MLN: variants seen among roughly 807,000 people sequenced by gnomAD.
MLN encodes the protein promotilin.
MLN carries 14 observed loss-of-function variants against 13.3 expected under a neutral mutation model. The observed-to-expected ratio is 1.05, with a 90% CI of 0.69 to 1.64. The LOEUF (loss-of-function observed/expected upper bound fraction) is 1.64, where lower values mean the gene tolerates loss of function less well. MLN is among the 40% of genes most tolerant of loss of function. MLN has a pLI of 0.00. For synonymous variants in MLN, 59 were observed against 54.7 expected (o/e 1.08, Z -0.34); for missense variants, 122 against 142.9 (o/e 0.85, Z 0.75).
At position 33,803,254 on chromosome 6, in the gene MLN, C is replaced by G. The variant is rs959281248; in HGVS notation, c.-8+699G>C. 2.0e-5 allele frequency among the ~76,000 whole-genome samples: 3 copies of G among 152,066 alleles called. No homozygotes were observed. Among genetic ancestry groups the G allele is most frequent in the African/African-American group, 7.2e-5 (3 of 41,388 alleles). On this transcript the variant is annotated intron_variant, in intron 1 of 4. Coordinates refer to ENST00000430124, the MANE Select transcript of MLN (RefSeq NM_002418.3). The surrounding 1 kb of genome is among the most constrained non-coding windows in gnomAD (Gnocchi z 4.5). ...GCACCCCTGGCCGGGCTAGCCTTGC[C>G]TCCCCATGTGCTCTCCCTCGGGGTC...
intron 3 of MLN, among the ~76,000 whole-genome samples, chr6:33,797,344 C>A (rs573621386): frequency 1.3e-5 from 2 of 152,228 alleles, no homozygotes; most frequent in African/African-American, 4.8e-5. Flanking sequence ...CCTCTAACCA[C>A]GGATGACTCC....
At chr6:33,796,176 C>G (rs992513959) in intron 3 of MLN, among the ~76,000 whole-genome samples, 5 of 152,116 alleles carry the variant, frequency 3.3e-5, no homozygotes, top group Non-Finnish European at 7.4e-5. Context: ...AGCCAGTATT[C>G]TAAGCTTTAC....
chr6:33,799,162 C>T lies in MLN; in HGVS notation c.177G>A (p.Glu59=), dbSNP rs1582276422. The change falls in exon 3 of 5, where the codon GAG becomes GAA. Residue 59 remains glutamate (E), a synonymous_variant. Coordinates refer to ENST00000430124, the MANE Select transcript of MLN (RefSeq NM_002418.3). The surrounding 1 kb of genome is among the most constrained non-coding windows in gnomAD (Gnocchi z 4.6). ...KSLSVWQRSG[E]EGPVDPAEPI... Reference sequence around the variant, plus strand: ...GCTCCGCAGGGTCTACAGGACCTTCCTCCCCAGACCTCTGCCATACACTCA... The same window carrying T: ...GCTCCGCAGGGTCTACAGGACCTTCTTCCCCAGACCTCTGCCATACACTCA... The T allele has an allele frequency of 1.9e-6, 3 of 1,612,924 alleles. No individual in the cohort carries two copies. The highest frequency in any genetic ancestry group is 1.7e-4 in the Middle Eastern group (1 of 6,060).
At chr6:33,796,045 C>T (rs914663274) in intron 3 of MLN, among the ~76,000 whole-genome samples, 15 of 151,174 alleles carry the variant, frequency 9.9e-5, no homozygotes, top group Non-Finnish European at 1.5e-4. Context: ...CTGCAAGCTC[C>T]GCCTCCCGGG....
chr6:33,795,325 T>C lies in MLN; in HGVS notation c.337+178A>G, dbSNP rs112076392. Among the ~76,000 whole-genome samples, 189 of 152,318 alleles carry C rather than the reference T, an allele frequency of 1.2e-3. 1 individual carries two copies. The highest frequency in any genetic ancestry group is 4.4e-3 in the African/African-American group (181 of 41,550). On this transcript the variant is annotated intron_variant, in intron 4 of 4. Transcript: ENST00000430124. ...GAACCCAGCCTGAGACCCGCCTCCCTGGAGAACTGCTGCAGCCACCAGCAG... is the reference window on the plus strand; with the variant it reads ...GAACCCAGCCTGAGACCCGCCTCCCCGGAGAACTGCTGCAGCCACCAGCAG...
Position 33,799,920 on chromosome 6 carries a change from T to G in MLN, c.118-699A>C, listed in dbSNP as rs1282980826. 6.6e-6 allele frequency among the ~76,000 whole-genome samples: 1 copy of G among 152,180 alleles called. No individual in the cohort carries two copies. Among genetic ancestry groups the G allele is most frequent in the Non-Finnish European group, 1.5e-5 (1 of 68,020 alleles). On this transcript the variant is annotated intron_variant, in intron 2 of 4. Coordinates refer to ENST00000430124, the MANE Select transcript of MLN (RefSeq NM_002418.3). The surrounding 1 kb of genome is among the most constrained non-coding windows in gnomAD (Gnocchi z 4.6). ...CCTTTGCTTTCTCTAATGACACTCT[T>G]GGGACTCTGCTGTTGGCCTGCCCTG... is the stretch of plus-strand genomic sequence containing the variant.
At position 33,803,654 on chromosome 6, in the gene MLN, G is replaced by T. The variant is rs954277196; in HGVS notation, c.-8+299C>A. On this transcript the variant is annotated intron_variant, in intron 1 of 4. Transcript: ENST00000430124. This position sits in a 1 kb window ranked among gnomAD's most constrained non-coding sequence, Gnocchi z 4.5. ...AAGCCACCATGCCAAGAGGGGCCCTGCGCCCATGATGAGCTCTGGCTTGGG... is the reference window on the plus strand; with the variant it reads ...AAGCCACCATGCCAAGAGGGGCCCTTCGCCCATGATGAGCTCTGGCTTGGG... Among the ~76,000 whole-genome samples the T allele has an allele frequency of 3.3e-5, 5 of 152,188 alleles. No individual in the cohort carries two copies. Among genetic ancestry groups the T allele is most frequent in the African/African-American group, 9.7e-5 (4 of 41,442 alleles).
rs1462227016 is a variant in MLN, at chr6:33,803,121, T to C, written c.-8+832A>G. ...TGGAGGTGGGAGAAGGAGCTTTTCA[T>C]TGTACAGTGAGGCACTAACTTTCCT... is the stretch of plus-strand genomic sequence containing the variant. On this transcript the variant is annotated intron_variant, in intron 1 of 4. Transcript: ENST00000430124. The surrounding 1 kb of genome is among the most constrained non-coding windows in gnomAD (Gnocchi z 4.5). Among the ~76,000 whole-genome samples, 9 of 152,120 alleles carry C rather than the reference T, an allele frequency of 5.9e-5. No homozygotes were observed. Among genetic ancestry groups the C allele is most frequent in the Admixed American group, 5.9e-4 (9 of 15,278 alleles).
At chr6:33,798,857 C>A (rs985137826) in intron 3 of MLN, among the ~76,000 whole-genome samples, 1 of 152,160 alleles carries the variant, frequency 6.6e-6, no homozygotes, top group African/African-American at 2.4e-5. Flanking sequence ...AGGGACAAAG[C>A]AGTCTCCCAA....
chr6:33,801,342 G>T (rs1299186333), intron 1 of MLN, among the ~76,000 whole-genome samples, 172 bp from the exon 2 acceptor site: 1 of 152,338 alleles, frequency 6.6e-6, no homozygotes, highest in African/African-American at 2.4e-5. Context: ...GAGCAGATGA[G>T]CTCTGAGCAC....
chr6:33,803,246 A>G lies in MLN; in HGVS notation c.-8+707T>C, dbSNP rs1201876047. Among the ~76,000 whole-genome samples, 2 of 151,426 alleles carry G rather than the reference A, an allele frequency of 1.3e-5. No individual in the cohort carries two copies. Among genetic ancestry groups the G allele is most frequent in the Non-Finnish European group, 2.9e-5 (2 of 67,930 alleles). ...CCCTTGCAGCACCCCTGGCCGGGCT[A>G]GCCTTGCCTCCCCATGTGCTCTCCC... On this transcript the variant is annotated intron_variant, in intron 1 of 4. Transcript: ENST00000430124. The surrounding 1 kb of genome is among the most constrained non-coding windows in gnomAD (Gnocchi z 4.5).
At chr6:33,797,698 G>A (rs910953070) in intron 3 of MLN, among the ~76,000 whole-genome samples, 2 of 151,790 alleles carry the variant, frequency 1.3e-5, no homozygotes, top group South Asian at 2.1e-4. Flanking sequence ...GCCCGAGGCC[G>A]AACTCTCTCT....
intron 3 of MLN, among the ~76,000 whole-genome samples, chr6:33,798,457 G>C (rs962919088): frequency 6.6e-6 from 1 of 152,244 alleles, no homozygotes; most frequent in Non-Finnish European, 1.5e-5. Context: ...GGGTGTTGAG[G>C]CCTGTGGCTG....
At chr6:33,796,325 G>A (rs1767922716) in intron 3 of MLN, among the ~76,000 whole-genome samples, 1 of 151,548 alleles carries the variant, frequency 6.6e-6, no homozygotes, top group Admixed American at 6.6e-5. Flanking sequence ...AGATGGTAAG[G>A]AGCAGAGGAA....
In MLN at chr6:33,799,327, T is replaced by G; in HGVS notation, c.118-106A>C. Reference sequence around the variant, plus strand: ...AGGGTGCTGTCTGCCCTGAGCTCCCTACAGACTGAAAGAACCCTTTCCTCC... The same window carrying G: ...AGGGTGCTGTCTGCCCTGAGCTCCCGACAGACTGAAAGAACCCTTTCCTCC... On this transcript the variant is annotated intron_variant, in intron 2 of 4. Coordinates refer to ENST00000430124, the MANE Select transcript of MLN (RefSeq NM_002418.3). The surrounding 1 kb of genome is among the most constrained non-coding windows in gnomAD (Gnocchi z 4.6). 1.4e-6 allele frequency: 1 copy of G among 703,320 alleles called. No individual in the cohort carries two copies. Among genetic ancestry groups the G allele is most frequent in the Non-Finnish European group, 2.4e-6 (1 of 413,266 alleles). The allele number at this position is 703,320 out of a possible 1,614,324, so 43.6% of individuals were successfully genotyped here.
rs1204692079 is a variant in MLN at position 33,794,752 on chromosome 6, CTG to C, written c.*71_*72del. 5.1e-6 allele frequency: 8 copies of C among 1,579,708 alleles called. No individual in the cohort carries two copies. The highest frequency in any genetic ancestry group is 6.9e-6 in the Non-Finnish European group (8 of 1,158,804). On this transcript the variant is annotated 3_prime_UTR_variant, in exon 5 of 5. Coordinates refer to ENST00000430124, the MANE Select transcript of MLN (RefSeq NM_002418.3). ...TCCTTCCAAGCCCAGCTGGCAGGCT[CTG>C]TAAATTCCCAGGGCCTCACTTGGGC...
At chr6:33,802,935 G>A (rs1044339534) in intron 1 of MLN, among the ~76,000 whole-genome samples, 1 of 152,172 alleles carries the variant, frequency 6.6e-6, no homozygotes, top group South Asian at 2.1e-4. Flanking sequence ...TTCCTTCACA[G>A]AGAGGCTATA....
chr6:33,799,047 G>T lies in MLN; in HGVS notation c.234+58C>A. On this transcript the variant is annotated intron_variant, in intron 3 of 4. Coordinates refer to ENST00000430124, the MANE Select transcript of MLN (RefSeq NM_002418.3). The surrounding 1 kb of genome is among the most constrained non-coding windows in gnomAD (Gnocchi z 4.6). ...CTTGTGGGCTCTGCCTCCAGGCCAG[G>T]CAGGGGAATGCATGCCCTGCTCTGA... 1 of 1,252,838 alleles carries T rather than the reference G, an allele frequency of 8.0e-7. No individual in the cohort carries two copies. The highest frequency in any genetic ancestry group is 1.2e-6 in the Non-Finnish European group (1 of 866,346). 77.6% of individuals were successfully genotyped at this position (1,252,838 alleles called of 1,614,324 possible). A position where few individuals can be genotyped will look rare whatever the true frequency, so the allele number is the denominator to read the frequency against.
Position 33,795,568 on chromosome 6 carries a change from G to C in MLN, c.272C>G (p.Ser91Cys). The C allele has an allele frequency of 6.4e-7, 1 of 1,565,092 alleles. No homozygotes were observed. The highest frequency in any genetic ancestry group is 8.7e-7 in the Non-Finnish European group (1 of 1,153,274). Residue 91 changes from serine (S) to cysteine (C), a missense_variant, in exon 4 of 5, where the codon TCC becomes TGC. Ser to Cys is a moderately radical substitution (Grantham distance 112). Coordinates refer to ENST00000430124, the MANE Select transcript of MLN (RefSeq NM_002418.3). ...GGCCGGGTACTTTTCCAGCTGTCTGGAGTTCATCCTCATTCCAATTTCCAG... is the reference window on the plus strand; with the variant it reads ...GGCCGGGTACTTTTCCAGCTGTCTGCAGTTCATCCTCATTCCAATTTCCAG... The part of the protein sequence containing the change: ...APLEIGMRMN[S>C]RQLEKYPATL...
Sources: allele counts gnomAD v4.1 joint callset (sites outside exome capture counted in the v4.1 genomes callset), GRCh38; gene constraint gnomAD v4.1.1; non-coding constraint Gnocchi (gnomAD v3.1); transcripts MANE v1.5; gene names NCBI Gene and HGNC (gene_info 2026-07-23, HGNC 2026-07-21).